TLN1: variants seen among roughly 807,000 people sequenced by gnomAD.
TLN1 encodes talin-1.
Under a neutral mutation model 292.3 loss-of-function variants are expected in TLN1, and 56 were observed. The observed-to-expected ratio is 0.19, with a 90% CI of 0.15 to 0.24. The LOEUF is 0.24. TLN1 is among the 10% of genes least tolerant of loss of function. The pLI is 1.00. For missense variants in TLN1, 2,433 were observed against 3,248.2 expected, an observed-to-expected ratio of 0.75 and a Z score of 6.10; for synonymous variants, 1,119 against 1,253.7, an observed-to-expected ratio of 0.89 and a Z score of 2.27.
Position 35,703,891 on chromosome 9 carries a change from T to C in TLN1, c.6241A>G (p.Ile2081Val). The change falls in exon 47 of 57, where the codon ATC (isoleucine) becomes GTC (valine). Residue 2081 changes from isoleucine (I) to valine (V), a missense_variant. By Grantham distance (29) the Ile-to-Val change is conservative. This residue lies in a region of TLN1 where 1,384 missense variants were observed against 1,699.6 expected (regional missense o/e 0.81). Transcript: ENST00000314888. ...TTGGCTACATCTTTCACTGCGTTGA[T>C]TAGTACCACCTGTGTGGGAAAGCGT... Reference protein sequence around the residue: ...AEDPETQVVLINAVKDVAKAL... With the variant: ...AEDPETQVVLVNAVKDVAKAL... 6.2e-7 allele frequency: 1 copy of C among 1,614,168 alleles called. No individual in the cohort carries two copies. Among genetic ancestry groups the C allele is most frequent in the South Asian group, 1.1e-5 (1 of 91,084 alleles).
In TLN1 at chr9:35,703,650, C is replaced by G; in HGVS notation, c.6384G>C (p.Leu2128Phe). The part of the protein sequence containing the change: ...AKVMVTNVTS[L>F]LKTVKAVEDE... ...CTTCCACGGCTTTTACTGTCTTAAG[C>G]AATGATGTCACATTGGTCACCATCA... The change falls in exon 48 of 57, where the codon TTG becomes TTC. Residue 2128 changes from leucine (L) to phenylalanine (F), a missense_variant. Physicochemically the swap from Leu to Phe is conservative, Grantham distance 22 (BLOSUM62 0). This residue lies in a region of TLN1 where 1,384 missense variants were observed against 1,699.6 expected (regional missense o/e 0.81). Transcript: ENST00000314888. The G allele has an allele frequency of 6.2e-7, 1 of 1,614,186 alleles. No homozygotes were observed. Among genetic ancestry groups the G allele is most frequent in the Non-Finnish European group, 8.5e-7 (1 of 1,180,048 alleles).
In TLN1 at chr9:35,722,209, A is replaced by C; in HGVS notation, c.858T>G (p.Cys286Trp). The change falls in exon 9 of 57, where the codon TGT (cysteine) becomes TGG (tryptophan). Residue 286 changes from cysteine (C) to tryptophan (W), a missense_variant. Physicochemically the swap from Cys to Trp is radical, Grantham distance 215. This residue lies in a region of TLN1 where 78 missense variants were observed against 88.8 expected (regional missense o/e 0.88). Transcript: ENST00000314888. ...TGGCCTCAATCTCACTCATCTGCCC[A>C]CAATTCTTGTGTGCCTGTGCATAAA... is the stretch of plus-strand genomic sequence containing the variant. ...ERKIFQAHKN[C>W]GQMSEIEAKV... 6.2e-7 allele frequency: 1 copy of C among 1,614,250 alleles called. No individual in the cohort carries two copies. The highest frequency in any genetic ancestry group is 8.5e-7 in the Non-Finnish European group (1 of 1,180,034).
At position 35,707,337 on chromosome 9, in the gene TLN1, C is replaced by A; in HGVS notation, c.4773+11G>T. On this transcript the variant is annotated intron_variant, in intron 36 of 56. Transcript: ENST00000314888. The surrounding 1 kb of genome is among the most constrained non-coding windows in gnomAD (Gnocchi z 5.6). ...AGCTGGCCCATCAGTTCCCCCTTCA[C>A]ATCGCCTCACCTCAGGGCTGATCTG... The A allele has an allele frequency of 6.2e-7, 1 of 1,613,270 alleles. No homozygotes were observed. The highest frequency in any genetic ancestry group is 1.1e-5 in the South Asian group (1 of 91,068).
rs1825383403 is a variant in TLN1, at chr9:35,697,286, C to T, written c.*505G>A. Reference sequence around the variant, plus strand: ...GTGACAGAATTCAACCCCACTGTCTCTCCTACTGCCCTGGGAGAAAACTTG... The same window carrying T: ...GTGACAGAATTCAACCCCACTGTCTTTCCTACTGCCCTGGGAGAAAACTTG... On this transcript the variant is annotated 3_prime_UTR_variant, in exon 57 of 57. Transcript: ENST00000314888. 6.5e-6 allele frequency: 1 copy of T among 154,206 alleles called. No individual in the cohort carries two copies. Among genetic ancestry groups the T allele is most frequent in the Non-Finnish European group, 1.4e-5 (1 of 69,404 alleles). 9.6% of individuals were successfully genotyped at this position (154,206 alleles called of 1,614,324 possible).
chr9:35,711,874 G>A, intron 28 of TLN1, 82 bp from the exon 29 acceptor site: 1 of 1,600,500 alleles, frequency 6.2e-7, no homozygotes, highest in South Asian at 1.1e-5. Flanking sequence ...TGAAAAGGTG[G>A]GCACATAGCC....
chr9:35,697,653 C>T lies in TLN1; in HGVS notation c.*138G>A, dbSNP rs945708042. On this transcript the variant is annotated 3_prime_UTR_variant, in exon 57 of 57. Transcript: ENST00000314888. ...ACAGGGGATGTACTGCGGGACTGGG[C>T]GGGGCCAGGCCCTGGGGTTTGGCAG... 40 of 1,306,426 alleles carry T rather than the reference C, an allele frequency of 3.1e-5. No individual in the cohort carries two copies. The highest frequency in any genetic ancestry group is 4.7e-5 in the East Asian group (2 of 42,992). 80.9% of individuals were successfully genotyped at this position (1,306,426 alleles called of 1,614,324 possible).
At position 35,725,975 on chromosome 9, in the gene TLN1, C is replaced by G. The variant is rs147786433; in HGVS notation, c.-33-248G>C. Reference sequence around the variant, plus strand: ...TTGCCCAGGCTAGAGTACAGTGGTGCGATCTCAGCTCGCTGCAAGCTCCGC... The same window carrying G: ...TTGCCCAGGCTAGAGTACAGTGGTGGGATCTCAGCTCGCTGCAAGCTCCGC... On this transcript the variant is annotated intron_variant, in intron 1 of 56. Transcript: ENST00000314888. Among the ~76,000 whole-genome samples, 619 of 152,086 alleles carry G rather than the reference C, an allele frequency of 4.1e-3. 5 individuals carry two copies. The highest frequency in any genetic ancestry group is 0.014 in the African/African-American group (601 of 41,498).
Position 35,706,573 on chromosome 9 carries a change from G to C in TLN1, c.5089-22C>G. ...AGGCCTGGGGAGGAAGTGGACATTAGCCCTGATGGTGACCTGCAATAGGAC... is the reference window on the plus strand; with the variant it reads ...AGGCCTGGGGAGGAAGTGGACATTACCCCTGATGGTGACCTGCAATAGGAC... On this transcript the variant is annotated intron_variant, in intron 38 of 56. Coordinates refer to ENST00000314888, the MANE Select transcript of TLN1 (RefSeq NM_006289.4). This position sits in a 1 kb window ranked among gnomAD's most constrained non-coding sequence, Gnocchi z 4.2. 1 of 1,611,626 alleles carries C rather than the reference G, an allele frequency of 6.2e-7. No individual in the cohort carries two copies. Among genetic ancestry groups the C allele is most frequent in the South Asian group, 1.1e-5 (1 of 91,008 alleles).
intron 1 of TLN1, among the ~76,000 whole-genome samples, chr9:35,731,345 C>G (rs1324254210): frequency 6.6e-6 from 1 of 152,156 alleles, no homozygotes; most frequent in Non-Finnish European, 1.5e-5. Context: ...GGACATTCAT[C>G]CCTTTCCTAG....
rs1306483357 is a variant in TLN1 at position 35,704,585 on chromosome 9, G to A, written c.5880+84C>T. ...ATGCCTGGGAGAAGTGACAACAGGA[G>A]AGGGCTGAGAGGGCTGGAGGAGGAT... On this transcript the variant is annotated intron_variant, in intron 44 of 56. Transcript: ENST00000314888. The surrounding 1 kb of genome is among the most constrained non-coding windows in gnomAD (Gnocchi z 6.9). 6.3e-7 allele frequency: 1 copy of A among 1,590,470 alleles called. No individual in the cohort carries two copies. Among genetic ancestry groups the A allele is most frequent in the Non-Finnish European group, 8.6e-7 (1 of 1,166,790 alleles).
chr9:35,716,983 G>C (rs1386468035), intron 19 of TLN1, among the ~76,000 whole-genome samples, 163 bp downstream of exon 19: 1 of 152,194 alleles, frequency 6.6e-6, no homozygotes, highest in Non-Finnish European at 1.5e-5. Flanking sequence ...GGAAGCAGAG[G>C]GTTCAGAGAG....
rs77349252 is a variant in TLN1 at position 35,716,241 on chromosome 9, G to A, written c.2625+149C>T. Reference sequence around the variant, plus strand: ...GGGTCATGGCTCACCCACAGCCTTGGGGCTCATTCATTTCCTGAGTGCTCC... The same window carrying A: ...GGGTCATGGCTCACCCACAGCCTTGAGGCTCATTCATTTCCTGAGTGCTCC... On this transcript the variant is annotated intron_variant, in intron 20 of 56. Coordinates refer to ENST00000314888, the MANE Select transcript of TLN1 (RefSeq NM_006289.4). 9.1e-4 allele frequency: 770 copies of A among 842,878 alleles called. 6 individuals carry two copies. The African/African-American group carries it at 0.013, about 14-fold the overall frequency. 52.2% of individuals were successfully genotyped at this position (842,878 alleles called of 1,614,324 possible).
chr9:35,714,148 C>A lies in TLN1; in HGVS notation c.3121-67G>T. The A allele has an allele frequency of 1.2e-6, 2 of 1,604,602 alleles. No individual in the cohort carries two copies. The highest frequency in any genetic ancestry group is 1.7e-6 in the Non-Finnish European group (2 of 1,172,726). On this transcript the variant is annotated intron_variant, in intron 24 of 56. Coordinates refer to ENST00000314888, the MANE Select transcript of TLN1 (RefSeq NM_006289.4). The surrounding 1 kb of genome is among the most constrained non-coding windows in gnomAD (Gnocchi z 4.6). ...TGTCTCACCAATGCCTCTGATTACA[C>A]AATTATCTGCGTATTGGGTTATTCT...
At chr9:35,726,959 T>G (rs1454609436) in intron 1 of TLN1, among the ~76,000 whole-genome samples, 6 of 152,240 alleles carry the variant, frequency 3.9e-5, no homozygotes, top group African/African-American at 7.2e-5. Flanking sequence ...CAAGTCTGTC[T>G]CGAATTCTGC....
Position 35,724,104 on chromosome 9 carries a change from G to C in TLN1, c.655-25C>G, listed in dbSNP as rs771814953. ...CCTGGAGAGCACAGGGCAAGGAGGC[G>C]AATGTTGTGTGTGGGTGCAAGGACA... On this transcript the variant is annotated intron_variant, in intron 6 of 56. Transcript: ENST00000314888. The surrounding 1 kb of genome is among the most constrained non-coding windows in gnomAD (Gnocchi z 4.7). 6.2e-7 allele frequency: 1 copy of C among 1,612,790 alleles called. No homozygotes were observed. Among genetic ancestry groups the C allele is most frequent in the Non-Finnish European group, 8.5e-7 (1 of 1,178,888 alleles).
rs1277647591 is a variant in TLN1 at position 35,704,624 on chromosome 9, G to A, written c.5880+45C>T. ...CTGGAGGAGGATGGCAAAGGCTACAGAGTTTGGAGGCAGTCCCACCATCTG... is the reference window on the plus strand; with the variant it reads ...CTGGAGGAGGATGGCAAAGGCTACAAAGTTTGGAGGCAGTCCCACCATCTG... On this transcript the variant is annotated intron_variant, in intron 44 of 56. Transcript: ENST00000314888. This position sits in a 1 kb window ranked among gnomAD's most constrained non-coding sequence, Gnocchi z 6.9. 4 of 1,608,256 alleles carry A rather than the reference G, an allele frequency of 2.5e-6. No individual in the cohort carries two copies. The highest frequency in any genetic ancestry group is 3.4e-6 in the Non-Finnish European group (4 of 1,176,996).
At position 35,717,224 on chromosome 9, in the gene TLN1, G is replaced by C. The variant is rs755683252; in HGVS notation, c.2380C>G (p.Pro794Ala). The change falls in exon 19 of 57, where the codon CCT becomes GCT. Residue 794 changes from proline (P) to alanine (A), a missense_variant. Physicochemically the swap from Pro to Ala is conservative, Grantham distance 27. This residue lies in a region of TLN1 where 617 missense variants were observed against 770.6 expected (regional missense o/e 0.80). Coordinates refer to ENST00000314888, the MANE Select transcript of TLN1 (RefSeq NM_006289.4). The surrounding 1 kb of genome is among the most constrained non-coding windows in gnomAD (Gnocchi z 4.7). ...HVKAHATGAG[P>A]AGRYDQATDT... ...GTAGCCTGGTCATAACGGCCAGCAG[G>C]CCCAGCCCCTGTGGCATGGGCTTTC... 6.2e-7 allele frequency: 1 copy of C among 1,613,998 alleles called. No individual in the cohort carries two copies. The highest frequency in any genetic ancestry group is 1.7e-5 in the Admixed American group (1 of 60,014).
chr9:35,715,163 C>A lies in TLN1; in HGVS notation c.2650G>T (p.Glu884Ter). 1.2e-6 allele frequency: 2 copies of A among 1,612,246 alleles called. No individual in the cohort carries two copies. Among genetic ancestry groups the A allele is most frequent in the South Asian group, 2.2e-5 (2 of 91,062 alleles). The change falls in exon 21 of 57, where the codon GAG becomes TAG. Residue 884 changes from glutamate to a stop codon, truncating the protein, a stop_gained. Transcript: ENST00000314888. LOFTEE classifies it high-confidence loss of function. ...AKGAAAHPDSEEQQQRLREAA... is the reference protein window; with the variant it reads ...AKGAAAHPDS ...TCCCGCAGCCGCTGCTGCTGCTCCTCACTGTCAGGGTGGGCAGCTGCTCCC... is the reference window on the plus strand; with the variant it reads ...TCCCGCAGCCGCTGCTGCTGCTCCTAACTGTCAGGGTGGGCAGCTGCTCCC...
At chr9:35,728,916 A>T (rs1171964815) in intron 1 of TLN1, among the ~76,000 whole-genome samples, 1 of 152,128 alleles carries the variant, frequency 6.6e-6, no homozygotes, top group Non-Finnish European at 1.5e-5. Flanking sequence ...ATCACAACGG[A>T]GGGCAGGATG....
Sources: allele counts gnomAD v4.1 joint callset (sites outside exome capture counted in the v4.1 genomes callset), GRCh38; gene constraint gnomAD v4.1.1; regional missense constraint gnomAD v4.1.1; non-coding constraint Gnocchi (gnomAD v3.1); transcripts MANE v1.5; gene names NCBI Gene and HGNC (gene_info 2026-07-23, HGNC 2026-07-21).